The following SRPRA variants were observed in gnomAD, a reference collection of about 807,000 sequenced individuals.
SRPRA encodes the protein SRP receptor subunit alpha.
Under a neutral mutation model 61.1 loss-of-function variants are expected in SRPRA, and 30 were observed. The ratio of observed to expected loss-of-function variants is 0.49; its 90% CI spans 0.37 to 0.67. SRPRA has a LOEUF of 0.67. SRPRA is among the 30% of genes least tolerant of loss of function. The pLI is 0.00. For missense variants in SRPRA, 759 were observed against 828.4 expected, an observed-to-expected ratio of 0.92 and a Z score of 1.03; for synonymous variants, 324 against 299.7, an observed-to-expected ratio of 1.08 and a Z score of -0.84.
chr11:126,254,668 T>C, the SRPRA span, among the ~76,000 whole-genome samples: 1 of 152,136 alleles, frequency 6.6e-6, no homozygotes, highest in East Asian at 1.9e-4. Flanking sequence ...CTCTTGTCTT[T>C]ACAAAAATAA....
the SRPRA span, among the ~76,000 whole-genome samples, chr11:126,257,155 A>T: frequency 3.3e-5 from 5 of 152,256 alleles, no homozygotes; most frequent in Non-Finnish European, 7.3e-5. Flanking sequence ...GCGAAGAAAG[A>T]TCACCCAATT....
Position 126,266,744 on chromosome 11 carries a change from C to G in SRPRA, c.686+19G>C. ...TCTAGATAACAGTATTTTGAGAGTACTGGAGAAAGAGTGCTCACTTGGACT... is the reference window on the plus strand; with the variant it reads ...TCTAGATAACAGTATTTTGAGAGTAGTGGAGAAAGAGTGCTCACTTGGACT... On this transcript the variant is annotated intron_variant, in intron 5 of 13. Transcript: ENST00000332118. 6.2e-7 allele frequency: 1 copy of G among 1,613,074 alleles called. No homozygotes were observed.
At position 126,265,186 on chromosome 11, in the gene SRPRA, G is replaced by T. The variant is rs377054870; in HGVS notation, c.1312-14C>A. On this transcript the variant is annotated splice_polypyrimidine_tract_variant and intron_variant, in intron 10 of 13. Transcript: ENST00000332118. The surrounding 1 kb of genome is among the most constrained non-coding windows in gnomAD (Gnocchi z 6.3). ...CCAGAAGGAAATCTGTGAAAAAGAC[G>T]TAAGAAAAGTCACCTAAAGCCAGGA... 5 of 1,613,960 alleles carry T rather than the reference G, an allele frequency of 3.1e-6. No homozygotes were observed. The South Asian group carries it at 3.3e-5, about 11-fold the overall frequency.
the SRPRA span, chr11:126,256,686 A>G: frequency 1.2e-6 from 2 of 1,614,210 alleles, no homozygotes; most frequent in East Asian, 2.2e-5. The surrounding 1 kb of genome is among the most constrained non-coding windows in gnomAD (Gnocchi z 6.6). Flanking sequence ...AATCTGACCT[A>G]GAACATTTCA....
At position 126,265,195 on chromosome 11, in the gene SRPRA, G is replaced by C. The variant is rs1014648277; in HGVS notation, c.1312-23C>G. The stretch of plus-strand genomic sequence containing the variant: ...AATCTGTGAAAAAGACGTAAGAAAA[G>C]TCACCTAAAGCCAGGATTTTGAGAC... On this transcript the variant is annotated intron_variant, in intron 10 of 13. Transcript: ENST00000332118. This position sits in a 1 kb window ranked among gnomAD's most constrained non-coding sequence, Gnocchi z 6.3. 6.2e-7 allele frequency: 1 copy of C among 1,614,032 alleles called. No individual in the cohort carries two copies.
the SRPRA span, chr11:126,254,507 A>G: frequency 6.4e-7 from 1 of 1,568,970 alleles, no homozygotes; most frequent in South Asian, 1.1e-5. Flanking sequence ...ATAGATCTTA[A>G]AGGGGAACAT....
rs368502926 is a variant in SRPRA at position 126,268,853 on chromosome 11, G to T, written c.-49C>A. ...GGCCGGCGCCGGGAATTCAGGCCGC[G>T]TTCGCCGCCGCTTCCTGCTGCGCCA... is the stretch of plus-strand genomic sequence containing the variant. On this transcript the variant is annotated 5_prime_UTR_variant, in exon 1 of 14. Transcript: ENST00000332118. The T allele has an allele frequency of 2.0e-6, 3 of 1,472,266 alleles. No individual in the cohort carries two copies. Among genetic ancestry groups the T allele is most frequent in the South Asian group, 1.1e-5 (1 of 87,710 alleles). 91.2% of individuals were successfully genotyped at this position (1,472,266 alleles called of 1,614,324 possible). A position where few individuals can be genotyped will look rare whatever the true frequency, so the allele number is the denominator to read the frequency against.
chr11:126,265,169 A>G lies in SRPRA; in HGVS notation c.1315T>C (p.Ser439Pro). Residue 439 changes from serine to proline, a missense_variant, in exon 11 of 14, where the codon TCC (serine) becomes CCC (proline). Coordinates refer to ENST00000332118, the MANE Select transcript of SRPRA (RefSeq NM_003139.4). This position sits in a 1 kb window ranked among gnomAD's most constrained non-coding sequence, Gnocchi z 6.3. ...VGKSTNLAKI[S>P]FWLLENGFSV... The stretch of plus-strand genomic sequence containing the variant: ...AAGCCATTCTCTAACAACCAGAAGG[A>G]AATCTGTGAAAAAGACGTAAGAAAA... 6.2e-7 allele frequency: 1 copy of G among 1,614,206 alleles called. No homozygotes were observed. Among genetic ancestry groups the G allele is most frequent in the South Asian group, 1.1e-5 (1 of 91,076 alleles).
At chr11:126,254,374 A>C in the SRPRA span, 338 of 1,614,094 alleles carry the variant, frequency 2.1e-4, no homozygotes, top group Non-Finnish European at 2.7e-4. Context: ...CACCAACCCT[A>C]GTGGCATTGT....
In SRPRA at chr11:126,263,641, CTG is replaced by C. The variant is rs1950748172; in HGVS notation, c.*273_*274del. The C allele has an allele frequency of 3.2e-5, 13 of 409,964 alleles. No homozygotes were observed. The highest frequency in any genetic ancestry group is 1.8e-5 in the Non-Finnish European group (4 of 224,014). 25.4% of individuals were successfully genotyped at this position (409,964 alleles called of 1,614,324 possible). On this transcript the variant is annotated 3_prime_UTR_variant, in exon 14 of 14. Coordinates refer to ENST00000332118, the MANE Select transcript of SRPRA (RefSeq NM_003139.4). ...ACCATTGGTCAAAGCTGTAATAAGA[CTG>C]AGTCTGTAGGCAGAGTGAAGGGGGT...
Position 126,267,717 on chromosome 11 carries a change from T to G in SRPRA, c.202-5A>C. 6.2e-7 allele frequency: 1 copy of G among 1,613,922 alleles called. No individual in the cohort carries two copies. The highest frequency in any genetic ancestry group is 8.5e-7 in the Non-Finnish European group (1 of 1,179,988). The stretch of plus-strand genomic sequence containing the variant: ...CAGGATCTTCTGAAAACCAACCTGT[T>G]TAGGGGAAGAAACAGCCAACAGATC... On this transcript the variant is annotated splice_polypyrimidine_tract_variant and splice_region_variant and intron_variant, in intron 2 of 13. Coordinates refer to ENST00000332118, the MANE Select transcript of SRPRA (RefSeq NM_003139.4). The surrounding 1 kb of genome is among the most constrained non-coding windows in gnomAD (Gnocchi z 4.2).
In SRPRA at chr11:126,265,975, C is replaced by T. The variant is rs1370122321; in HGVS notation, c.1039G>A (p.Asp347Asn). The T allele has an allele frequency of 8.1e-6, 13 of 1,614,028 alleles. No homozygotes were observed. The highest frequency in any genetic ancestry group is 8.5e-7 in the Non-Finnish European group (1 of 1,180,022). Residue 347 changes from aspartate to asparagine, a missense_variant, in exon 8 of 14, where the codon GAT (aspartate) becomes AAT (asparagine). This residue lies in a region of SRPRA where 475 missense variants were observed against 462.5 expected (regional missense o/e 1.03). Coordinates refer to ENST00000332118, the MANE Select transcript of SRPRA (RefSeq NM_003139.4). This position sits in a 1 kb window ranked among gnomAD's most constrained non-coding sequence, Gnocchi z 6.3. ...DMESVLDKMRDHLIAKNVAAD... is the reference protein window; with the variant it reads ...DMESVLDKMRNHLIAKNVAAD... ...CCTCAGAACTTACCAATGAGATGAT[C>T]ACGCATCTTGTCCAGCACAGATTCC...
chr11:126,265,349 C>T lies in SRPRA; in HGVS notation c.1230G>A (p.Met410Ile), dbSNP rs1187701454. Residue 410 changes from methionine to isoleucine, a missense_variant, in exon 10 of 14, where the codon ATG (methionine) becomes ATA (isoleucine). Met to Ile is a conservative substitution (Grantham distance 10). Around this residue, in one of 2 missense-constraint regions of SRPRA, gnomAD observed 284 missense variants for 365.9 expected, o/e 0.78. Transcript: ENST00000332118. The surrounding 1 kb of genome is among the most constrained non-coding windows in gnomAD (Gnocchi z 6.3). Reference sequence around the variant, plus strand: ...AAGGGCGCTGGCGACGCTGGGCATCCATGATGTCCCGGAGCATGTCTACAC... The same window carrying T: ...AAGGGCGCTGGCGACGCTGGGCATCTATGATGTCCCGGAGCATGTCTACAC... ...QRRVDMLRDI[M>I]DAQRRQRPYV... is the part of the protein sequence containing the mutation. The T allele has an allele frequency of 1.2e-6, 2 of 1,614,118 alleles. No individual in the cohort carries two copies. Among genetic ancestry groups the T allele is most frequent in the South Asian group, 2.2e-5 (2 of 91,086 alleles).
the SRPRA span, chr11:126,241,388 A>T: frequency 5.1e-6 from 1 of 197,414 alleles, no homozygotes; most frequent in Non-Finnish European, 1.0e-5. Context: ...AATCCCACAA[A>T]GATTGGAGAT....
the SRPRA span, among the ~76,000 whole-genome samples, chr11:126,236,048 G>A: frequency 6.6e-6 from 1 of 152,168 alleles, no homozygotes; most frequent in South Asian, 2.1e-4. Context: ...GCTGGTTTGT[G>A]TCATGGATTC....
the SRPRA span, among the ~76,000 whole-genome samples, chr11:126,255,546 TC>T: frequency 6.6e-6 from 1 of 152,052 alleles, no homozygotes; most frequent in African/African-American, 2.4e-5. The surrounding 1 kb of genome is among the most constrained non-coding windows in gnomAD (Gnocchi z 4.6). Flanking sequence ...CTTGAGCAAA[TC>T]CGATGATGGA....
downstream of SRPRA, chr11:126,261,593 T>A: frequency 1.3e-6 from 1 of 796,572 alleles, no homozygotes. Flanking sequence ...TGCCAAATTT[T>A]AAAAAACACT....
rs765504211 is a variant in SRPRA, at chr11:126,264,949, T to C, written c.1525+10A>G. On this transcript the variant is annotated intron_variant, in intron 11 of 13. Transcript: ENST00000332118. The surrounding 1 kb of genome is among the most constrained non-coding windows in gnomAD (Gnocchi z 5.0). Reference sequence around the variant, plus strand: ...CCCAAATAAGCCCCCACACTTCCCATGCACTGTACCAAAAGCAATGGCTTC... The same window carrying C: ...CCCAAATAAGCCCCCACACTTCCCACGCACTGTACCAAAAGCAATGGCTTC... The C allele has an allele frequency of 5.0e-6, 8 of 1,612,786 alleles. No individual in the cohort carries two copies. The highest frequency in any genetic ancestry group is 1.3e-5 in the African/African-American group (1 of 75,038).
At chr11:126,236,652 G>A in the SRPRA span, among the ~76,000 whole-genome samples, 1 of 151,986 alleles carries the variant, frequency 6.6e-6, no homozygotes, top group African/African-American at 2.4e-5. Context: ...TTACTTTTTT[G>A]ATACTTTCCA....
Sources: allele counts gnomAD v4.1 joint callset (sites outside exome capture counted in the v4.1 genomes callset), GRCh38; gene constraint gnomAD v4.1.1; regional missense constraint gnomAD v4.1.1; non-coding constraint Gnocchi (gnomAD v3.1); transcripts MANE v1.5; gene names NCBI Gene and HGNC (gene_info 2026-07-23, HGNC 2026-07-21).